TBATA: variants seen among roughly 807,000 people sequenced by gnomAD.
TBATA encodes thymus, brain and testes associated.
TBATA carries 47 observed loss-of-function variants against 38.7 expected under a neutral mutation model. The ratio of observed to expected loss-of-function variants is 1.21; its 90% CI spans 0.96 to 1.55. TBATA has a LOEUF of 1.55. Among genes scored for constraint, TBATA ranks in the 40% most tolerant of loss-of-function variants. The pLI, the probability that TBATA is intolerant of heterozygous loss-of-function variation, is 0.00. For missense variants in TBATA, 436 were observed against 435.6 expected, an observed-to-expected ratio of 1.00 and a Z score of -0.01; for synonymous variants, 183 against 170.5, an observed-to-expected ratio of 1.07 and a Z score of -0.57.
rs747318903 is a variant in TBATA, at chr10:70,778,606, G to A, written c.458C>T (p.Ala153Val). Residue 153 changes from alanine to valine, a missense_variant, in exon 6 of 11, where the codon GCT becomes GTT. Coordinates refer to ENST00000456372, the MANE Select transcript of TBATA (RefSeq NM_001318241.2). ...CTTGGTGAGGAAGGCCACCCGGGAA[G>A]CTAGCTCCTTCAACTCCTTCTTCCA... ...EAWKKELKEL[A>V]SRVAFLTKED... 3.2e-5 allele frequency: 51 copies of A among 1,614,084 alleles called. No individual in the cohort carries two copies. Among genetic ancestry groups the A allele is most frequent in the Non-Finnish European group, 4.2e-5 (49 of 1,180,052 alleles).
intron 4 of TBATA, among the ~76,000 whole-genome samples, chr10:70,781,344 T>C (rs928885418): frequency 2.0e-5 from 3 of 152,122 alleles, no homozygotes; most frequent in African/African-American, 7.2e-5. Context: ...CCATCTCCCA[T>C]CCCTCCCCAC....
intron 5 of TBATA, among the ~76,000 whole-genome samples, chr10:70,779,279 C>A (rs1298636423): frequency 6.6e-6 from 1 of 152,196 alleles, no homozygotes; most frequent in African/African-American, 2.4e-5. Context: ...CTAAATATTC[C>A]CTATAGCATT....
chr10:70,777,429 A>T, intron 6 of TBATA, 91 bp from the exon 7 acceptor site: 1 of 1,224,482 alleles, frequency 8.2e-7, no homozygotes, highest in Non-Finnish European at 1.1e-6. Flanking sequence ...CCGGGTCACA[A>T]TCCCAGGGCA....
intron 2 of TBATA, among the ~76,000 whole-genome samples, chr10:70,783,814 A>C (rs1444094652): frequency 6.6e-6 from 1 of 152,248 alleles, no homozygotes; most frequent in Non-Finnish European, 1.5e-5. Context: ...GATGAATCTT[A>C]TAATCAGTAT....
chr10:70,774,022 TG>T, intron 9 of TBATA, 190 bp downstream of exon 9: 1 of 319,622 alleles, frequency 3.1e-6, no homozygotes, highest in Non-Finnish European at 4.5e-6. Context: ...GGGGCTGGTC[TG>T]GCTGTGTTGG....
chr10:70,772,630 AG>A (rs2132805195), intron 9 of TBATA, 64 bp from the exon 10 acceptor site: 1 of 1,550,182 alleles, frequency 6.5e-7, no homozygotes, highest in East Asian at 2.2e-5. Flanking sequence ...CACGGGTGGC[AG>A]GGGAGACAGG....
intron 1 of TBATA, 74 bp downstream of exon 1, chr10:70,785,211 A>ATTTTTG (rs1844730925): frequency 6.6e-6 from 1 of 152,554 alleles, no homozygotes; most frequent in Non-Finnish European, 1.5e-5. Flanking sequence ...CCAGCCACAA[A>ATTTTTG]ACTTCCCTTT....
At chr10:70,775,304 A>G in intron 7 of TBATA, 34 bp from the exon 8 acceptor site, 1 of 1,583,908 alleles carries the variant, frequency 6.3e-7, no homozygotes, top group Non-Finnish European at 8.7e-7. Context: ...TCCAGCCAGG[A>G]GTACAGGCAA....
Position 70,771,425 on chromosome 10 carries a change from G to T in TBATA, c.1010C>A (p.Ser337Ter). The T allele has an allele frequency of 1.9e-6, 3 of 1,614,158 alleles. No homozygotes were observed. The highest frequency in any genetic ancestry group is 2.2e-5 in the South Asian group (2 of 91,078). The change falls in exon 11 of 11, where the codon TCA (serine) becomes TAA (stop). Residue 337 changes from serine (S) to a stop codon, truncating the protein, a stop_gained. Coordinates refer to ENST00000456372, the MANE Select transcript of TBATA (RefSeq NM_001318241.2). LOFTEE classifies it low-confidence loss of function (END_TRUNC). ...IGEAQVLQMH[S>*]SQNTEKKTSK... ...TGTCTTCTTCTCTGTGTTCTGGCTTGAATGCATCTGGAGGACTTGAGCTTC... is the reference window on the plus strand; with the variant it reads ...TGTCTTCTTCTCTGTGTTCTGGCTTTAATGCATCTGGAGGACTTGAGCTTC...
At chr10:70,781,122 G>A (rs1048689263) in intron 4 of TBATA, among the ~76,000 whole-genome samples, 1 of 152,190 alleles carries the variant, frequency 6.6e-6, no homozygotes, top group Non-Finnish European at 1.5e-5. Context: ...ACCAGCTTCT[G>A]CTTCCTTGCT....
chr10:70,777,371 T>A, intron 6 of TBATA, 33 bp from the exon 7 acceptor site: 2 of 1,599,288 alleles, frequency 1.3e-6, no homozygotes, highest in Non-Finnish European at 1.7e-6. Context: ...CTCCAGGCAG[T>A]CAGCAAGAGG....
chr10:70,772,571 G>T lies in TBATA; in HGVS notation c.921-5C>A. 1 of 1,614,154 alleles carries T rather than the reference G, an allele frequency of 6.2e-7. No homozygotes were observed. Among genetic ancestry groups the T allele is most frequent in the Non-Finnish European group, 8.5e-7 (1 of 1,180,010 alleles). On this transcript the variant is annotated splice_region_variant and splice_polypyrimidine_tract_variant and intron_variant, in intron 9 of 10. Transcript: ENST00000456372. The stretch of plus-strand genomic sequence containing the variant: ...TTCGTTTTCTTCGGGGATTGACTGT[G>T]ACCAAATACAAAGAAGGGGCTGGGA...
chr10:70,772,391 T>C, intron 10 of TBATA, 123 bp downstream of exon 10: 1 of 907,294 alleles, frequency 1.1e-6, no homozygotes, highest in Non-Finnish European at 1.9e-6. Flanking sequence ...AGTGAATGAA[T>C]AGATGAAATG....
intron 3 of TBATA, 64 bp from the exon 4 acceptor site, chr10:70,782,100 C>T: frequency 3.3e-6 from 5 of 1,537,906 alleles, no homozygotes; most frequent in Non-Finnish European, 4.5e-6. Flanking sequence ...CACCTGGGCT[C>T]AGAGCTCAGT....
At chr10:70,776,429 C>T (rs1036192104) in intron 7 of TBATA, 2 of 456,128 alleles carry the variant, frequency 4.4e-6, no homozygotes, top group Non-Finnish European at 8.8e-6. Flanking sequence ...GCTGCTCCGT[C>T]TCAGGGGACC....
rs544309822 is a variant in TBATA, at chr10:70,772,388, G to A, written c.973+126C>T. On this transcript the variant is annotated intron_variant, in intron 10 of 10. Transcript: ENST00000456372. The stretch of plus-strand genomic sequence containing the variant: ...AAAGAATGAATATGAATAAGTGAAT[G>A]AATAGATGAAATGAGCAGCATCCTT... 5.7e-5 allele frequency: 51 copies of A among 896,384 alleles called. No homozygotes were observed. The South Asian group carries it at 6.2e-4, about 11-fold the overall frequency. 55.5% of individuals were successfully genotyped at this position (896,384 alleles called of 1,614,324 possible).
intron 4 of TBATA, among the ~76,000 whole-genome samples, chr10:70,781,349 C>T (rs1844187072): frequency 6.6e-6 from 1 of 152,232 alleles, no homozygotes; most frequent in Non-Finnish European, 1.5e-5. Flanking sequence ...TCCCATCCCT[C>T]CCCACTGGAG....
chr10:70,772,066 C>T, intron 10 of TBATA: 1 of 368,806 alleles, frequency 2.7e-6, no homozygotes, highest in South Asian at 2.1e-5. Flanking sequence ...TCCACCAGCA[C>T]ACCAAGAGGT....
intron 9 of TBATA, 80 bp from the exon 10 acceptor site, chr10:70,772,646 T>G (rs1589366186): frequency 1.4e-6 from 2 of 1,447,402 alleles, no homozygotes; most frequent in Non-Finnish European, 1.9e-6. Flanking sequence ...GACAGGGAGG[T>G]GGGGAAGGTG....
Sources: allele counts gnomAD v4.1 joint callset (sites outside exome capture counted in the v4.1 genomes callset), GRCh38; gene constraint gnomAD v4.1.1; transcripts MANE v1.5; gene names NCBI Gene and HGNC (gene_info 2026-07-23, HGNC 2026-07-21).